Variants in AGO3 observed in about 807,000 individuals in gnomAD.
AGO3 encodes the protein protein argonaute-3.
Under a neutral mutation model 105.5 loss-of-function variants are expected in AGO3, and 16 were observed. That is an observed-to-expected ratio of 0.15 (90% CI 0.10 to 0.23). The LOEUF (loss-of-function observed/expected upper bound fraction) is 0.23. AGO3 is among the 10% of genes least tolerant of loss of function. The pLI is 1.00. For synonymous variants in AGO3, 340 were observed against 367.3 expected (o/e 0.93, Z 0.85); for missense variants, 534 against 1,088.0 (o/e 0.49, Z 7.16).
At chr1:35,930,953 C>T (rs1017701046), upstream of AGO3, 5 of 309,092 alleles carry the variant, frequency 1.6e-5, no homozygotes, top group Non-Finnish European at 2.4e-5. Context: ...GCATGTGGCC[C>T]GGCTCCCGGA....
chr1:36,015,347 G>A (rs755715823), intron 11 of AGO3, among the ~76,000 whole-genome samples: 3 of 152,224 alleles, frequency 2.0e-5, no homozygotes, highest in Non-Finnish European at 4.4e-5. Context: ...GAACCTTTGT[G>A]TGTTCAGCTG....
chr1:36,039,858 G>A lies in AGO3; in HGVS notation c.1911G>A (p.Gln637=). The A allele has an allele frequency of 1.2e-6, 2 of 1,613,844 alleles. No individual in the cohort carries two copies. Among genetic ancestry groups the A allele is most frequent in the Non-Finnish European group, 1.7e-6 (2 of 1,179,950 alleles). Residue 637 remains glutamine, a synonymous_variant, in exon 15 of 19, where the codon CAG becomes CAA. Coordinates refer to ENST00000373191, the MANE Select transcript of AGO3 (RefSeq NM_024852.4). ...CATVRVQRPR[Q]EIIQDLASMV... is the part of the protein sequence containing the mutation. Reference sequence around the variant, plus strand: ...CAGTAAGAGTTCAGAGACCCCGACAGGAGATCATCCAGGACTTGGCCTCCA... The same window carrying A: ...CAGTAAGAGTTCAGAGACCCCGACAAGAGATCATCCAGGACTTGGCCTCCA...
At chr1:36,024,362 C>T (rs532921733) in intron 11 of AGO3, among the ~76,000 whole-genome samples, 1 of 152,164 alleles carries the variant, frequency 6.6e-6, no homozygotes, top group Non-Finnish European at 1.5e-5. Context: ...GTCTCGAACT[C>T]CTGGACTTAA....
chr1:36,026,305 G>A (rs921661491), intron 11 of AGO3, among the ~76,000 whole-genome samples: 11 of 151,640 alleles, frequency 7.3e-5, no homozygotes, highest in Non-Finnish European at 2.9e-5. Flanking sequence ...ATGGGTTTTC[G>A]CCATGTTGGC....
At chr1:36,021,863 A>G (rs986276464) in intron 11 of AGO3, among the ~76,000 whole-genome samples, 1 of 152,000 alleles carries the variant, frequency 6.6e-6, no homozygotes, top group Non-Finnish European at 1.5e-5. Flanking sequence ...TACAGAATCT[A>G]TCTCTCCTTC....
intron 5 of AGO3, chr1:35,984,440 T>G (rs1647123924): frequency 6.6e-6 from 1 of 152,224 alleles, no homozygotes; most frequent in South Asian, 2.1e-4. Flanking sequence ...TAGTCACTAT[T>G]GTGTTTGCTA....
Position 36,055,788 on chromosome 1 carries a change from A to G in AGO3, c.*43A>G. 2 of 1,592,028 alleles carry G rather than the reference A, an allele frequency of 1.3e-6. No homozygotes were observed. Among genetic ancestry groups the G allele is most frequent in the Non-Finnish European group, 1.7e-6 (2 of 1,160,656 alleles). On this transcript the variant is annotated 3_prime_UTR_variant, in exon 19 of 19. Coordinates refer to ENST00000373191, the MANE Select transcript of AGO3 (RefSeq NM_024852.4). The surrounding 1 kb of genome is among the most constrained non-coding windows in gnomAD (Gnocchi z 4.4). Reference sequence around the variant, plus strand: ...TCTGAGAGGAAGTACTGAAAGATGAATTGACATACAACGTATGTTTCCAGT... The same window carrying G: ...TCTGAGAGGAAGTACTGAAAGATGAGTTGACATACAACGTATGTTTCCAGT...
Position 36,069,960 on chromosome 1 carries a change from G to A in AGO3, c.*14215G>A, listed in dbSNP as rs1351536832. On this transcript the variant is annotated 3_prime_UTR_variant, in exon 19 of 19. Transcript: ENST00000373191. Reference sequence around the variant, plus strand: ...TAATCCCAGCTACTCGGGAGGCTAAGGTGGGAGAATTGCTTGGACCCAGGT... The same window carrying A: ...TAATCCCAGCTACTCGGGAGGCTAAAGTGGGAGAATTGCTTGGACCCAGGT... 1 of 152,224 alleles carries A rather than the reference G, an allele frequency of 6.6e-6. No individual in the cohort carries two copies. The highest frequency in any genetic ancestry group is 1.5e-5 in the Non-Finnish European group (1 of 68,084). The allele number at this position is 152,224 out of a possible 1,614,324, so 9.4% of individuals were successfully genotyped here.
intron 5 of AGO3, among the ~76,000 whole-genome samples, chr1:35,991,273 G>A (rs1048066702): frequency 5.9e-5 from 9 of 152,034 alleles, no homozygotes; most frequent in South Asian, 2.1e-4. Flanking sequence ...CAGCTTGGGC[G>A]ACAGAGTGAG....
chr1:35,990,509 CA>C (rs1426106599), intron 5 of AGO3, among the ~76,000 whole-genome samples: 1 of 152,028 alleles, frequency 6.6e-6, no homozygotes, highest in African/African-American at 2.4e-5. Context: ...ATCTCAAAAA[CA>C]AAAAATTTTA....
intron 2 of AGO3, among the ~76,000 whole-genome samples, chr1:35,956,693 T>A (rs1306539140): frequency 6.6e-6 from 1 of 151,094 alleles, no homozygotes; most frequent in Non-Finnish European, 1.5e-5. Context: ...CAGGTTGGAA[T>A]TCAGTGACAT....
In AGO3 at chr1:36,008,795, G is replaced by A. The variant is rs1177979435; in HGVS notation, c.881+18G>A. ...CATCAAACGTAAGAAAAGTTTGTCAGAGCAGCGATGGTGTGAGGCAGCTTG... is the reference window on the plus strand; with the variant it reads ...CATCAAACGTAAGAAAAGTTTGTCAAAGCAGCGATGGTGTGAGGCAGCTTG... On this transcript the variant is annotated intron_variant, in intron 7 of 18. Coordinates refer to ENST00000373191, the MANE Select transcript of AGO3 (RefSeq NM_024852.4). The surrounding 1 kb of genome is among the most constrained non-coding windows in gnomAD (Gnocchi z 5.1). 1.2e-6 allele frequency: 2 copies of A among 1,614,084 alleles called. No individual in the cohort carries two copies. The highest frequency in any genetic ancestry group is 1.7e-6 in the Non-Finnish European group (2 of 1,179,990).
chr1:36,034,320 G>T lies in AGO3; in HGVS notation c.1738G>T (p.Val580Leu). The change falls in exon 13 of 19, where the codon GTA becomes TTA. Residue 580 changes from valine (V) to leucine (L), a missense_variant. This residue lies in a region of AGO3 where 373 missense variants were observed against 854.0 expected (regional missense o/e 0.44). Transcript: ENST00000373191. Reference protein sequence around the residue: ...VKLGGINNILVPHQRPSVFQQ... With the variant: ...VKLGGINNILLPHQRPSVFQQ... ...ACTCGGAGGGATCAATAATATTCTTGTACCTCATCAAAGGTAAGATATGCT... is the reference window on the plus strand; with the variant it reads ...ACTCGGAGGGATCAATAATATTCTTTTACCTCATCAAAGGTAAGATATGCT... The T allele has an allele frequency of 6.3e-7, 1 of 1,595,632 alleles. No homozygotes were observed.
chr1:36,001,489 A>G (rs551986735), intron 5 of AGO3, among the ~76,000 whole-genome samples: 1 of 152,286 alleles, frequency 6.6e-6, no homozygotes, highest in South Asian at 2.1e-4. Context: ...GGCACAGTAT[A>G]GTGTTTCTAA....
In AGO3 at chr1:35,935,332, A is replaced by G. The variant is rs575169700; in HGVS notation, c.19+3887A>G. ...TTCAGTTAACATGAAGACATTTACA[A>G]AATTACCCATGATTCTATCAGCCTC... is the stretch of plus-strand genomic sequence containing the variant. On this transcript the variant is annotated intron_variant, in intron 1 of 18. Transcript: ENST00000373191. 3.9e-5 allele frequency among the ~76,000 whole-genome samples: 6 copies of G among 152,376 alleles called. No homozygotes were observed. The East Asian group carries it at 7.7e-4, about 20-fold the overall frequency.
At chr1:35,982,475 C>A in intron 5 of AGO3, 1 of 586,340 alleles carries the variant, frequency 1.7e-6, no homozygotes, top group Non-Finnish European at 3.1e-6. Flanking sequence ...TTAGAAAAAT[C>A]ACAGAAAATT....
chr1:35,994,094 A>G (rs1342158777), intron 5 of AGO3, among the ~76,000 whole-genome samples: 2 of 113,040 alleles, frequency 1.8e-5, no homozygotes, highest in African/African-American at 3.6e-5. Flanking sequence ...TCTGTCACCC[A>G]GGCTGGAATG....
chr1:35,997,718 A>G (rs1196821332), intron 5 of AGO3, among the ~76,000 whole-genome samples: 2 of 152,140 alleles, frequency 1.3e-5, no homozygotes, highest in Non-Finnish European at 2.9e-5. Flanking sequence ...TTTATTTGAG[A>G]CGTAGTCTCC....
intron 2 of AGO3, among the ~76,000 whole-genome samples, chr1:35,946,482 T>C (rs1033441545): frequency 2.0e-5 from 3 of 152,200 alleles, no homozygotes; most frequent in African/African-American, 4.8e-5. Flanking sequence ...CTATGTCTAT[T>C]TGGATTTTGT....
Sources: gnomAD v4.1 joint callset for allele counts (sites outside exome capture counted in the v4.1 genomes callset) on GRCh38, gnomAD v4.1.1 for gene constraint, gnomAD v4.1.1 regional missense constraint, Gnocchi (gnomAD v3.1) non-coding constraint, MANE v1.5 for transcripts, NCBI Gene and HGNC (gene_info 2026-07-23, HGNC 2026-07-21) for gene names.